The following NDST3 variants were observed in gnomAD, a reference collection of about 807,000 sequenced individuals.
NDST3 encodes the protein N-deacetylase and N-sulfotransferase 3, also known as bifunctional heparan sulfate N-deacetylase/N-sulfotransferase 3.
In NDST3, 58 loss-of-function variants were observed where a neutral mutation model predicts 96.1. The observed-to-expected ratio is 0.60, with a 90% CI of 0.49 to 0.75. The LOEUF (loss-of-function observed/expected upper bound fraction) is 0.75, where lower values mean the gene tolerates loss of function less well. NDST3 is among the 30% of genes least tolerant of loss of function. The pLI, the probability that NDST3 is intolerant of heterozygous loss-of-function variation, is 0.00. For synonymous variants in NDST3, 333 were observed against 359.7 expected (o/e 0.93, Z 0.84); for missense variants, 788 against 1,034.2 (o/e 0.76, Z 3.27).
intron 2 of NDST3, among the ~76,000 whole-genome samples, chr4:118,089,254 G>A (rs1180963613): frequency 6.6e-6 from 1 of 151,678 alleles, no homozygotes; most frequent in Non-Finnish European, 1.5e-5. Context: ...TGTTCTCCAT[G>A]GTATGCAGAC....
chr4:118,133,458 T>C (rs528081037), intron 4 of NDST3, among the ~76,000 whole-genome samples: 3 of 152,312 alleles, frequency 2.0e-5, no homozygotes, highest in Non-Finnish European at 2.9e-5. Context: ...AAAGGTGGCA[T>C]TGGCGATTCA....
In NDST3 at chr4:118,196,944, GTT is replaced by G. The variant is rs59055512; in HGVS notation, c.1540-27534_1540-27533del. ...TGCATCATTAGGTTGTTTATTTGAAGTTTTTTTTTTTTTTAATGTAGGCACTT... is the reference window on the plus strand; with the variant it reads ...TGCATCATTAGGTTGTTTATTTGAAGTTTTTTTTTTTTAATGTAGGCACTT... On this transcript the variant is annotated intron_variant, in intron 6 of 13. Coordinates refer to ENST00000296499, the MANE Select transcript of NDST3 (RefSeq NM_004784.3). 1.6e-4 allele frequency among the ~76,000 whole-genome samples: 20 copies of G among 127,558 alleles called. No individual in the cohort carries two copies. In the South Asian group the frequency reaches 2.4e-3, roughly 16 times the overall value. 83.7% of individuals were successfully genotyped at this position (127,558 alleles called of 152,430 possible). A position where few individuals can be genotyped will look rare whatever the true frequency, so the allele number is the denominator to read the frequency against.
chr4:118,237,002 G>A, intron 9 of NDST3, 44 bp from the exon 10 acceptor site: 7 of 1,464,624 alleles, frequency 4.8e-6, no homozygotes, highest in African/African-American at 1.4e-5. Context: ...ACCAGAATGA[G>A]TATAAACCAG....
intron 6 of NDST3, among the ~76,000 whole-genome samples, chr4:118,181,211 G>C (rs1357817814): frequency 6.6e-6 from 1 of 152,078 alleles, no homozygotes; most frequent in Admixed American, 6.6e-5. Context: ...GGTCTCTTCA[G>C]GTAGCCACGA....
intron 6 of NDST3, among the ~76,000 whole-genome samples, chr4:118,174,444 A>G (rs2125941276): frequency 6.6e-6 from 1 of 152,296 alleles, no homozygotes; most frequent in Admixed American, 6.5e-5. Context: ...TATGGAAGTA[A>G]CACATTATTT....
chr4:118,044,346 G>C (rs954618919), intron 1 of NDST3, among the ~76,000 whole-genome samples: 5 of 152,180 alleles, frequency 3.3e-5, no homozygotes, highest in African/African-American at 9.7e-5. Flanking sequence ...TGAAAACTCT[G>C]TTGTCCAGGT....
At chr4:118,129,916 G>A (rs967440665) in intron 4 of NDST3, among the ~76,000 whole-genome samples, 2 of 152,024 alleles carry the variant, frequency 1.3e-5, no homozygotes, top group Non-Finnish European at 2.9e-5. Context: ...TTACGGGGTT[G>A]ACTCCTTTAT....
chr4:118,037,321 G>T (rs149375212), intron 1 of NDST3, among the ~76,000 whole-genome samples: 2 of 152,156 alleles, frequency 1.3e-5, no homozygotes, highest in African/African-American at 4.8e-5. Flanking sequence ...ACCAGGCACT[G>T]TTCTACTTTA....
chr4:118,058,628 TGTGTGTGCGCGCGCGC>T (rs200032300), intron 2 of NDST3, among the ~76,000 whole-genome samples: 45,503 of 100,940 alleles, frequency 0.45, 7,850 homozygotes, highest in South Asian at 0.56. Flanking sequence ...TGTGTGTGTG[TGTGTGTGCGCGCGCGC>T]GCACGCATGC....
At chr4:118,101,663 T>G (rs1276159039) in intron 2 of NDST3, among the ~76,000 whole-genome samples, 1 of 152,102 alleles carries the variant, frequency 6.6e-6, no homozygotes, top group Admixed American at 6.6e-5. Context: ...TGTGTAAACA[T>G]CACAGAGTAT....
chr4:118,162,446 C>CAT (rs1735227853), intron 6 of NDST3, among the ~76,000 whole-genome samples: 1 of 151,934 alleles, frequency 6.6e-6, no homozygotes, highest in Non-Finnish European at 1.5e-5. Context: ...AATAATGCTG[C>CAT]GTATCTACAA....
At chr4:118,138,867 C>A (rs1733339806) in intron 5 of NDST3, among the ~76,000 whole-genome samples, 1 of 152,110 alleles carries the variant, frequency 6.6e-6, no homozygotes, top group Admixed American at 6.5e-5. Flanking sequence ...GCAATTAAAT[C>A]CTAATTTATT....
At chr4:118,070,207 C>T (rs1726934722) in intron 2 of NDST3, among the ~76,000 whole-genome samples, 1 of 152,112 alleles carries the variant, frequency 6.6e-6, no homozygotes, top group South Asian at 2.1e-4. Flanking sequence ...AAGGTCTCGA[C>T]CAGTTCTAAC....
intron 6 of NDST3, among the ~76,000 whole-genome samples, chr4:118,151,131 G>T (rs984395481): frequency 6.6e-6 from 1 of 151,976 alleles, no homozygotes; most frequent in Non-Finnish European, 1.5e-5. Context: ...GTAAACTATC[G>T]CAAGAACAAA....
rs370856338 is a variant in NDST3 at position 118,194,142 on chromosome 4, C to T, written c.1540-30349C>T. 35 of 965,826 alleles carry T rather than the reference C, an allele frequency of 3.6e-5. No homozygotes were observed. In the East Asian group the frequency reaches 6.0e-4, roughly 17 times the overall value. The allele number at this position is 965,826 out of a possible 1,614,324, so 59.8% of individuals were successfully genotyped here. A position where few individuals can be genotyped will look rare whatever the true frequency, so the allele number is the denominator to read the frequency against. On this transcript the variant is annotated intron_variant, in intron 6 of 13. Coordinates refer to ENST00000296499, the MANE Select transcript of NDST3 (RefSeq NM_004784.3). ...TTGAGGTACACAATGGAATGTTCTC[C>T]TTTCTACATGCACTGAATGGCCCTC...
At chr4:118,172,932 CTAA>C (rs766389238) in intron 6 of NDST3, among the ~76,000 whole-genome samples, 4 of 152,024 alleles carry the variant, frequency 2.6e-5, no homozygotes, top group Non-Finnish European at 5.9e-5. Context: ...AGGTAAAACA[CTAA>C]TAATATGTAA....
At chr4:118,226,406 G>A (rs1274720798) in intron 7 of NDST3, among the ~76,000 whole-genome samples, 1 of 152,124 alleles carries the variant, frequency 6.6e-6, no homozygotes, top group African/African-American at 2.4e-5. Context: ...CAGCTGAGAC[G>A]TATCTGCTGT....
At chr4:118,103,043 C>G (rs1729889732) in intron 2 of NDST3, among the ~76,000 whole-genome samples, 1 of 152,030 alleles carries the variant, frequency 6.6e-6, no homozygotes, top group Non-Finnish European at 1.5e-5. Context: ...CTTTATTTAG[C>G]TTCTAAGGCC....
chr4:118,075,792 G>A (rs1379229241), intron 2 of NDST3, among the ~76,000 whole-genome samples: 3 of 152,162 alleles, frequency 2.0e-5, no homozygotes, highest in African/African-American at 7.2e-5. Context: ...GTAGATTCTG[G>A]ATATTAGCCC....
Sources: allele counts gnomAD v4.1 joint callset (sites outside exome capture counted in the v4.1 genomes callset), GRCh38; gene constraint gnomAD v4.1.1; transcripts MANE v1.5; gene names NCBI Gene and HGNC (gene_info 2026-07-23, HGNC 2026-07-21).